GPR155: variants seen among roughly 807,000 people sequenced by gnomAD.
The protein encoded by GPR155 is G protein-coupled receptor 155, also known as lysosomal cholesterol signaling protein.
Under a neutral mutation model 93.1 loss-of-function variants are expected in GPR155, and 65 were observed. The ratio of observed to expected loss-of-function variants is 0.70; its 90% confidence interval spans 0.57 to 0.86. The LOEUF (loss-of-function observed/expected upper bound fraction) is 0.86. Ranked by LOEUF, GPR155 falls within the 40% of genes least tolerant of loss-of-function variation. GPR155 has a pLI of 0.00. For synonymous variants in GPR155, 319 were observed against 360.1 expected, an observed-to-expected ratio of 0.89 and a Z score of 1.29; for missense variants, 838 against 1,034.8, an observed-to-expected ratio of 0.81 and a Z score of 2.61.
Position 174,453,487 on chromosome 2 carries a change from C to T in GPR155, c.1876+250G>A, listed in dbSNP as rs550570615. Among the ~76,000 whole-genome samples, 4 of 151,798 alleles carry T rather than the reference C, an allele frequency of 2.6e-5. No homozygotes were observed. In the South Asian group the frequency reaches 6.3e-4, roughly 24 times the overall value. ...CATCCTGGCTAACACAGTGAAACTC[C>T]GTCTCTACTAAAAATACAAAAAATT... On this transcript the variant is annotated intron_variant, in intron 11 of 15. Transcript: ENST00000392552.
At chr2:174,463,012 T>C (rs1687744502) in intron 7 of GPR155, among the ~76,000 whole-genome samples, 1 of 152,180 alleles carries the variant, frequency 6.6e-6, no homozygotes, top group Non-Finnish European at 1.5e-5. Context: ...CTAAATTCTT[T>C]GTTTCTTGAA....
intron 9 of GPR155, among the ~76,000 whole-genome samples, chr2:174,460,351 A>C (rs1283318739): frequency 2.6e-5 from 4 of 151,440 alleles, no homozygotes; most frequent in African/African-American, 9.7e-5. Flanking sequence ...TTTAGTAGAG[A>C]CAGGGTTTCA....
chr2:174,485,490 G>A (rs771322849), intron 1 of GPR155, among the ~76,000 whole-genome samples: 9 of 151,678 alleles, frequency 5.9e-5, no homozygotes, highest in Non-Finnish European at 1.3e-4. Flanking sequence ...CCAGCTACTC[G>A]GGAAGCTGAG....
intron 10 of GPR155, among the ~76,000 whole-genome samples, chr2:174,457,495 C>T (rs1687553623): frequency 6.6e-6 from 1 of 151,988 alleles, no homozygotes; most frequent in Admixed American, 6.6e-5. Flanking sequence ...CTTGCTCTGT[C>T]ACCCAGACTG....
intron 1 of GPR155, among the ~76,000 whole-genome samples, chr2:174,482,555 C>CT (rs1553519316): frequency 1.3e-5 from 2 of 152,190 alleles, no homozygotes; most frequent in East Asian, 1.9e-4. Flanking sequence ...AAACCAATAA[C>CT]TTTTTTTTCT....
chr2:174,483,524 ACT>A (rs1379309194), intron 1 of GPR155, among the ~76,000 whole-genome samples: 1 of 152,158 alleles, frequency 6.6e-6, no homozygotes, highest in Admixed American at 6.6e-5. Context: ...GGTCTGGATA[ACT>A]CTAAAGCTAA....
chr2:174,465,951 A>G (rs1234260403), intron 6 of GPR155, 49 bp from the exon 7 acceptor site: 5 of 829,076 alleles, frequency 6.0e-6, no homozygotes, highest in East Asian at 2.4e-5. Context: ...AGAAAACCAT[A>G]TAATTCAATA....
chr2:174,460,415 G>GCCT (rs1687655999), intron 9 of GPR155, among the ~76,000 whole-genome samples: 1 of 151,804 alleles, frequency 6.6e-6, no homozygotes, highest in African/African-American at 2.4e-5. Context: ...ACCCGCCTCG[G>GCCT]CCTCCCAAAC....
At chr2:174,453,983 C>A (rs956867677) in intron 10 of GPR155, 142 bp from the exon 11 acceptor site, 3 of 619,976 alleles carry the variant, frequency 4.8e-6, no homozygotes, top group Admixed American at 2.7e-5. Flanking sequence ...TGGTATCTAT[C>A]CAAAAGTATT....
intron 11 of GPR155, among the ~76,000 whole-genome samples, chr2:174,452,652 T>A (rs1687355193): frequency 6.6e-6 from 1 of 152,070 alleles, no homozygotes; most frequent in Non-Finnish European, 1.5e-5. Flanking sequence ...GTTATTACTT[T>A]TTTTTTCCCC....
intron 10 of GPR155, 47 bp downstream of exon 10, chr2:174,459,831 C>T (rs1474769204): frequency 7.1e-7 from 1 of 1,408,668 alleles, no homozygotes; most frequent in Non-Finnish European, 9.9e-7. Context: ...GATGATAGAG[C>T]AAGATTCTGT....
intron 13 of GPR155, among the ~76,000 whole-genome samples, chr2:174,444,866 A>T (rs1158280315): frequency 6.6e-6 from 1 of 152,174 alleles, no homozygotes; most frequent in Non-Finnish European, 1.5e-5. Flanking sequence ...CTCAGCGTAC[A>T]TTCTGATGAC....
Position 174,473,335 on chromosome 2 carries a change from C to T in GPR155, c.490G>A (p.Glu164Lys), listed in dbSNP as rs373685103. 5.0e-6 allele frequency: 8 copies of T among 1,595,896 alleles called. No individual in the cohort carries two copies. The African/African-American group carries it at 8.1e-5, about 16-fold the overall frequency. Reference protein sequence around the residue: ...VEALYQTTYPEYLQYIYLVAP... With the variant: ...VEALYQTTYPKYLQYIYLVAP... ...ACCAAATAAATGTACTGGAGATATTCTGGGTATGTAGTTTGATATAAAGCT... is the reference window on the plus strand; with the variant it reads ...ACCAAATAAATGTACTGGAGATATTTTGGGTATGTAGTTTGATATAAAGCT... Residue 164 changes from glutamate (E) to lysine (K), a missense_variant, in exon 3 of 16, where the codon GAA becomes AAA. Around this residue, in one of 3 missense-constraint regions of GPR155, gnomAD observed 663 missense variants for 790.1 expected, o/e 0.84. Coordinates refer to ENST00000392552, the MANE Select transcript of GPR155 (RefSeq NM_152529.7).
intron 15 of GPR155, among the ~76,000 whole-genome samples, chr2:174,438,829 C>T (rs186735269): frequency 2.0e-5 from 3 of 152,188 alleles, no homozygotes; most frequent in East Asian, 1.9e-4. Flanking sequence ...TTTAAATTGT[C>T]GAAACTATTC....
chr2:174,469,560 A>C (rs1484305837), intron 4 of GPR155, among the ~76,000 whole-genome samples: 1 of 152,220 alleles, frequency 6.6e-6, no homozygotes, highest in Non-Finnish European at 1.5e-5. Flanking sequence ...TTTACAATAC[A>C]TTTAGACACT....
Position 174,450,253 on chromosome 2 carries a change from A to C in GPR155, c.1876+3484T>G, listed in dbSNP as rs75374784. On this transcript the variant is annotated intron_variant, in intron 11 of 15. Coordinates refer to ENST00000392552, the MANE Select transcript of GPR155 (RefSeq NM_152529.7). ...AACCAAGTGCTGCATGTGCTCACTT[A>C]TAAGTGGGAACTAAACATCAGATAC... Among the ~76,000 whole-genome samples the C allele has an allele frequency of 9.8e-3, 1,495 of 152,330 alleles. 34 individuals are homozygous for C. Among genetic ancestry groups the C allele is most frequent in the African/African-American group, 0.034 (1,419 of 41,562 alleles).
At chr2:174,439,802 G>T in intron 15 of GPR155, 96 bp downstream of exon 15, 1 of 1,009,540 alleles carries the variant, frequency 9.9e-7, no homozygotes, top group Non-Finnish European at 1.5e-6. Context: ...CATGTAATCA[G>T]TCACAACCAC....
intron 15 of GPR155, among the ~76,000 whole-genome samples, chr2:174,438,455 A>C (rs1211657672): frequency 6.6e-6 from 1 of 152,128 alleles, no homozygotes; most frequent in Non-Finnish European, 1.5e-5. Flanking sequence ...GGCCTCAAAG[A>C]GCTAACCCGG....
At chr2:174,470,843 A>G (rs1189289727) in intron 3 of GPR155, among the ~76,000 whole-genome samples, 5 of 152,176 alleles carry the variant, frequency 3.3e-5, no homozygotes, top group African/African-American at 9.7e-5. Flanking sequence ...TTTTTTGCCA[A>G]AAGATGGTAA....
Sources: allele counts gnomAD v4.1 joint callset (sites outside exome capture counted in the v4.1 genomes callset), GRCh38; gene constraint gnomAD v4.1.1; regional missense constraint gnomAD v4.1.1; transcripts MANE v1.5; gene names NCBI Gene and HGNC (gene_info 2026-07-23, HGNC 2026-07-21).